The following RTL4 variants were observed in gnomAD, a reference collection of about 807,000 sequenced individuals.
The protein encoded by RTL4 is retrotransposon Gag-like protein 4.
A neutral mutation model predicts 5.3 loss-of-function variants in RTL4; 4 were observed. The ratio of observed to expected loss-of-function variants is 0.75; its 90% CI spans 0.37 to 1.72. The LOEUF (loss-of-function observed/expected upper bound fraction) is 1.72. Among genes scored for constraint, RTL4 ranks in the 40% most tolerant of loss-of-function variants. The pLI is 0.04. For synonymous variants in RTL4, 98 were observed against 87.3 expected (o/e 1.12, Z -0.68); for missense variants, 260 against 227.1 (o/e 1.14, Z -0.93).
the RTL4 span, among the ~76,000 whole-genome samples, chrX:112,449,387 G>C: frequency 0.52 from 57,889 of 110,441 alleles, 11,842 homozygotes; most frequent in African/African-American, 0.75. Context: ...AAGAAGCAAT[G>C]CACATATCAT....
chrX:112,396,443 C>CT, the RTL4 span, among the ~76,000 whole-genome samples: 1 of 111,103 alleles, frequency 9.0e-6, no homozygotes, highest in East Asian at 2.8e-4. Context: ...TATAAAGGTG[C>CT]TTTTTGTGTG....
chrX:112,258,253 A>C, the RTL4 span, among the ~76,000 whole-genome samples: 1,033 of 111,017 alleles, frequency 9.3e-3, 18 homozygotes, highest in African/African-American at 0.032. Context: ...TAAATTATAC[A>C]ACACCAAGAG....
the RTL4 span, among the ~76,000 whole-genome samples, chrX:112,143,718 C>T: frequency 1.8e-5 from 2 of 111,548 alleles, no homozygotes; most frequent in East Asian, 5.6e-4. Flanking sequence ...CACCTAAAAG[C>T]CTTATTAATG....
chrX:112,219,380 T>G, the RTL4 span, among the ~76,000 whole-genome samples: 2 of 112,277 alleles, frequency 1.8e-5, no homozygotes, highest in Non-Finnish European at 3.8e-5. Flanking sequence ...ATTTATTTAT[T>G]CTTTAAACAG....
chrX:112,341,895 C>G, the RTL4 span, among the ~76,000 whole-genome samples: 1 of 111,480 alleles, frequency 9.0e-6, no homozygotes, highest in African/African-American at 3.3e-5. Flanking sequence ...CCTGTACCCT[C>G]CCTACTCTCT....
At chrX:112,273,403 A>G in the RTL4 span, among the ~76,000 whole-genome samples, 1 of 110,002 alleles carries the variant, frequency 9.1e-6, no homozygotes, top group African/African-American at 3.3e-5. Flanking sequence ...ACAGGCGCCC[A>G]CCACCACGCC....
At chrX:112,120,246 C>T in the RTL4 span, among the ~76,000 whole-genome samples, 1 of 112,045 alleles carries the variant, frequency 8.9e-6, no homozygotes, top group Non-Finnish European at 1.9e-5. Context: ...AGAGTTTGCA[C>T]ATAAGTACAT....
At chrX:112,123,618 G>C in the RTL4 span, among the ~76,000 whole-genome samples, 2 of 111,945 alleles carry the variant, frequency 1.8e-5, no homozygotes, top group Non-Finnish European at 3.8e-5. Context: ...AAAGATCAAA[G>C]GTTGTAGATG....
At chrX:112,320,839 T>C in the RTL4 span, among the ~76,000 whole-genome samples, 103 of 111,982 alleles carry the variant, frequency 9.2e-4, no homozygotes, top group African/African-American at 3.2e-3. Context: ...GAAAATTAAA[T>C]CTCACATGTA....
exon 1 of RTL4, chrX:112,456,269 G>A (rs1926842961): frequency 3.3e-6 from 1 of 306,651 alleles, no homozygotes; most frequent in Admixed American, 6.2e-5. Flanking sequence ...AGAGCTATAT[G>A]TTTTGTTTCC....
At chrX:112,176,675 G>A in the RTL4 span, among the ~76,000 whole-genome samples, 38 of 111,939 alleles carry the variant, frequency 3.4e-4, no homozygotes, top group Middle Eastern at 4.6e-3. Context: ...TTATCTTTGC[G>A]TTGGGAACAT....
At chrX:112,352,588 C>A in the RTL4 span, among the ~76,000 whole-genome samples, 1 of 111,172 alleles carries the variant, frequency 9.0e-6, no homozygotes, top group South Asian at 3.8e-4. Flanking sequence ...GGAAAGGATT[C>A]CCTATTTAAT....
the RTL4 span, among the ~76,000 whole-genome samples, chrX:112,332,247 G>A: frequency 1.4e-4 from 16 of 110,786 alleles, no homozygotes; most frequent in African/African-American, 4.9e-4. Flanking sequence ...CTGTAAACTG[G>A]TTCAACCATC....
chrX:112,096,645 C>A, the RTL4 span, among the ~76,000 whole-genome samples: 1 of 111,697 alleles, frequency 9.0e-6, no homozygotes, highest in Non-Finnish European at 1.9e-5. Flanking sequence ...CTACACTAAA[C>A]AATATGGTAT....
the RTL4 span, among the ~76,000 whole-genome samples, chrX:112,123,366 G>C: frequency 8.9e-6 from 1 of 112,286 alleles, no homozygotes; most frequent in Non-Finnish European, 1.9e-5. Flanking sequence ...GATCCTTATA[G>C]GACAAGTCAA....
chrX:112,119,282 G>A, the RTL4 span, among the ~76,000 whole-genome samples: 1 of 110,771 alleles, frequency 9.0e-6, no homozygotes, highest in Non-Finnish European at 1.9e-5. Flanking sequence ...GTTGATTACT[G>A]TGTTTTTTTA....
chrX:112,413,236 G>A, the RTL4 span, among the ~76,000 whole-genome samples: 2 of 111,645 alleles, frequency 1.8e-5, no homozygotes, highest in Non-Finnish European at 3.8e-5. Context: ...GGAGAAAAGA[G>A]AACCCATGCA....
the RTL4 span, among the ~76,000 whole-genome samples, chrX:112,197,587 G>A: frequency 9.0e-6 from 1 of 111,550 alleles, no homozygotes; most frequent in Admixed American, 9.5e-5. Context: ...CTTTACTGGT[G>A]AGAGAGACAA....
At chrX:112,409,471 C>T in the RTL4 span, among the ~76,000 whole-genome samples, 1 of 110,992 alleles carries the variant, frequency 9.0e-6, no homozygotes, top group Admixed American at 9.6e-5. Flanking sequence ...GTGTAATCCC[C>T]AGCACTTTGG....
Sources: gnomAD v4.1 joint callset for allele counts (sites outside exome capture counted in the v4.1 genomes callset) on GRCh38, gnomAD v4.1.1 for gene constraint, MANE v1.5 for transcripts, NCBI Gene and HGNC (gene_info 2026-07-23, HGNC 2026-07-21) for gene names.